SPIB: variants seen among roughly 807,000 people sequenced by gnomAD.
SPIB encodes the protein transcription factor Spi-B.
In SPIB, 7 loss-of-function variants were observed where a neutral mutation model predicts 31.9. The ratio of observed to expected loss-of-function variants is 0.22; its 90% confidence interval spans 0.12 to 0.41. SPIB has a LOEUF of 0.41. SPIB is among the 10% of genes least tolerant of loss of function. The pLI, the probability that SPIB is intolerant of heterozygous loss-of-function variation, is 1.00. For missense variants in SPIB, 327 were observed against 360.2 expected (o/e 0.91, Z 0.75); for synonymous variants, 176 against 158.9 (o/e 1.11, Z -0.81).
In SPIB at chr19:50,419,223, C is replaced by G. The variant is rs533155148; in HGVS notation, c.23+238C>G. 1.1e-4 allele frequency among the ~76,000 whole-genome samples: 16 copies of G among 152,260 alleles called. No homozygotes were observed. In the South Asian group the frequency reaches 1.4e-3, roughly 14 times the overall value. ...AGATCTCATTTCCCCAGAACACTTG[C>G]TAGCGTGCCCTCCTGCGGGCGTCCT... is the stretch of plus-strand genomic sequence containing the variant. On this transcript the variant is annotated intron_variant, in intron 1 of 5. Transcript: ENST00000595883.
intron 5 of SPIB, among the ~76,000 whole-genome samples, chr19:50,424,670 A>G (rs1304216769): frequency 1.3e-5 from 2 of 151,942 alleles, no homozygotes; most frequent in Admixed American, 6.6e-5. Flanking sequence ...AGTCCCAGCT[A>G]CTCGGGAGGC....
chr19:50,424,425 T>A (rs1485471898), intron 5 of SPIB, among the ~76,000 whole-genome samples: 2 of 152,096 alleles, frequency 1.3e-5, no homozygotes, highest in Non-Finnish European at 2.9e-5. Flanking sequence ...GGCGGTCAGA[T>A]CAACTGAGGT....
rs201850398 is a variant in SPIB, at chr19:50,422,435, C to T, written c.52-38C>T. The T allele has an allele frequency of 7.4e-5, 119 of 1,603,848 alleles. 1 individual carries two copies. Among genetic ancestry groups the T allele is most frequent in the Non-Finnish European group, 1.7e-6 (2 of 1,171,272 alleles). On this transcript the variant is annotated intron_variant, in intron 2 of 5. Transcript: ENST00000595883. ...GGTGGGGGTTGGGAGTCCCCAAGGC[C>T]TGGGATGACCCCTCTTCCCTCCTGC...
At chr19:50,419,764 A>AC (rs1441237735) in intron 1 of SPIB, 182 bp from the exon 2 acceptor site, 2 of 501,816 alleles carry the variant, frequency 4.0e-6, no homozygotes, top group African/African-American at 2.0e-5. Context: ...CCTCCCCCCC[A>AC]CCCCCCACTT....
At position 50,428,141 on chromosome 19, in the gene SPIB, C is replaced by T; in HGVS notation, c.594C>T (p.Phe198=). 2 of 1,587,242 alleles carry T rather than the reference C, an allele frequency of 1.3e-6. No homozygotes were observed. The highest frequency in any genetic ancestry group is 1.8e-5 in the Admixed American group (1 of 55,822). ...VWWVEPGAGV[F]QFSSKHKELL... ...GGGTGGAGCCAGGCGCCGGCGTCTT[C>T]CAGTTCTCCTCCAAGCACAAGGAAC... The change falls in exon 6 of 6, where the codon TTC becomes TTT. Residue 198 remains phenylalanine, a synonymous_variant. Coordinates refer to ENST00000595883, the MANE Select transcript of SPIB (RefSeq NM_003121.5). The surrounding 1 kb of genome is among the most constrained non-coding windows in gnomAD (Gnocchi z 6.5).
chr19:50,423,419 G>A (rs1181945652), intron 4 of SPIB, among the ~76,000 whole-genome samples, 186 bp from the exon 5 acceptor site: 1 of 152,134 alleles, frequency 6.6e-6, no homozygotes, highest in Non-Finnish European at 1.5e-5. Context: ...CCTGTGTTGG[G>A]CCGGCTTTGA....
At chr19:50,423,896 C>A in intron 5 of SPIB, 141 bp downstream of exon 5, 2 of 1,034,148 alleles carry the variant, frequency 1.9e-6, no homozygotes, top group Non-Finnish European at 2.8e-6. Context: ...GGCTGTGTGA[C>A]CTTGGGTAAG....
chr19:50,425,606 A>G (rs2039555235), intron 5 of SPIB, among the ~76,000 whole-genome samples: 1 of 151,916 alleles, frequency 6.6e-6, no homozygotes, highest in Non-Finnish European at 1.5e-5. Context: ...ACACCTGACT[A>G]ATTTTTAAAA....
At position 50,423,052 on chromosome 19, in the gene SPIB, G is replaced by A. The variant is rs770607430; in HGVS notation, c.339+15G>A. 7.9e-7 allele frequency: 1 copy of A among 1,272,132 alleles called. No homozygotes were observed. Among genetic ancestry groups the A allele is most frequent in the Admixed American group, 2.3e-5 (1 of 43,482 alleles). 78.8% of individuals were successfully genotyped at this position (1,272,132 alleles called of 1,614,324 possible). The stretch of plus-strand genomic sequence containing the variant: ...TCGCTAGCCAGGTGAGTGGTAAGGG[G>A]ACAGTTAAAATCAAGCCCAAACCAG... On this transcript the variant is annotated intron_variant, in intron 4 of 5. Transcript: ENST00000595883.
At position 50,428,331 on chromosome 19, in the gene SPIB, G is replaced by A; in HGVS notation, c.784G>A (p.Ala262Thr). ...DSALLPAVRR[A>T] ...CGCGCTGCTGCCTGCAGTCCGCCGGGCCTGAGCACACCCGAGGCTCCCACC... is the reference window on the plus strand; with the variant it reads ...CGCGCTGCTGCCTGCAGTCCGCCGGACCTGAGCACACCCGAGGCTCCCACC... The change falls in exon 6 of 6, where the codon GCC (alanine) becomes ACC (threonine). Residue 262 changes from alanine (A) to threonine (T), a missense_variant. Transcript: ENST00000595883. The surrounding 1 kb of genome is among the most constrained non-coding windows in gnomAD (Gnocchi z 6.5). 1 of 1,544,210 alleles carries A rather than the reference G, an allele frequency of 6.5e-7. No individual in the cohort carries two copies. Among genetic ancestry groups the A allele is most frequent in the Non-Finnish European group, 8.7e-7 (1 of 1,143,042 alleles).
At chr19:50,423,838 A>C (rs886254002) in intron 5 of SPIB, 83 bp downstream of exon 5, 5 of 1,479,538 alleles carry the variant, frequency 3.4e-6, no homozygotes, top group Non-Finnish European at 3.7e-6. Flanking sequence ...CTGGGCCTCT[A>C]CATATACTCC....
At chr19:50,419,770 C>CA (rs1257049371) in intron 1 of SPIB, 176 bp from the exon 2 acceptor site, 17 of 530,044 alleles carry the variant, frequency 3.2e-5, no homozygotes, top group Non-Finnish European at 3.2e-6. Context: ...CCCCACCCCC[C>CA]ACTTCCTGTC....
At chr19:50,420,035 C>A (rs994958781) in intron 2 of SPIB, 62 bp downstream of exon 2, 7 of 1,339,004 alleles carry the variant, frequency 5.2e-6, no homozygotes, top group Non-Finnish European at 6.8e-6. Context: ...TCAGAGAAGT[C>A]ATTTGCTTCC....
chr19:50,419,244 G>A (rs779682541), intron 1 of SPIB, among the ~76,000 whole-genome samples: 26 of 152,048 alleles, frequency 1.7e-4, no homozygotes, highest in South Asian at 2.1e-4. Flanking sequence ...TCCTGCGGGC[G>A]TCCTCCGTGG....
chr19:50,423,458 A>G, intron 4 of SPIB, 147 bp from the exon 5 acceptor site: 1 of 1,054,864 alleles, frequency 9.5e-7, no homozygotes, highest in South Asian at 1.6e-5. Context: ...CCCTGGCCAC[A>G]GCGTGGTGAT....
In SPIB at chr19:50,429,232, C is replaced by G. The variant is rs1038875992; in HGVS notation, c.*896C>G. Reference sequence around the variant, plus strand: ...CCACTCCCTATGGCCATGCTGAAGACCACTCTGGCCACGCGACTGATTTTG... The same window carrying G: ...CCACTCCCTATGGCCATGCTGAAGAGCACTCTGGCCACGCGACTGATTTTG... On this transcript the variant is annotated 3_prime_UTR_variant, in exon 6 of 6. Transcript: ENST00000595883. The G allele has an allele frequency of 6.6e-6, 1 of 152,198 alleles. No individual in the cohort carries two copies. The highest frequency in any genetic ancestry group is 2.4e-5 in the African/African-American group (1 of 41,426). 9.4% of individuals were successfully genotyped at this position (152,198 alleles called of 1,614,324 possible). A position where few individuals can be genotyped will look rare whatever the true frequency, so the allele number is the denominator to read the frequency against.
chr19:50,426,893 G>A (rs1438251247), intron 5 of SPIB, among the ~76,000 whole-genome samples: 1 of 151,948 alleles, frequency 6.6e-6, no homozygotes, highest in African/African-American at 2.4e-5. Context: ...ATTTTGGGAG[G>A]CCGAGGTGGG....
rs772520030 is a variant in SPIB at position 50,423,733 on chromosome 19, C to T, written c.468C>T (p.Pro156=). ...CGGATGAGGCCCTCGTGGCTGGCCCCGAGGGGAAGGGATCCGAGGCAGGTA... is the reference window on the plus strand; with the variant it reads ...CGGATGAGGCCCTCGTGGCTGGCCCTGAGGGGAAGGGATCCGAGGCAGGTA... The part of the protein sequence containing the change: ...SESDEALVAG[P]EGKGSEAGTR... Residue 156 remains proline (P), a synonymous_variant, in exon 5 of 6, where the codon CCC becomes CCT. Coordinates refer to ENST00000595883, the MANE Select transcript of SPIB (RefSeq NM_003121.5). The T allele has an allele frequency of 1.1e-5, 17 of 1,610,808 alleles. No homozygotes were observed. The highest frequency in any genetic ancestry group is 1.0e-4 in the Admixed American group (6 of 59,468).
chr19:50,420,135 T>C (rs368752150), intron 2 of SPIB, among the ~76,000 whole-genome samples, 162 bp downstream of exon 2: 5 of 152,250 alleles, frequency 3.3e-5, no homozygotes, highest in Non-Finnish European at 5.9e-5. Flanking sequence ...GTATTTTTGA[T>C]GTCTCTCTCC....
Sources: allele counts gnomAD v4.1 joint callset (sites outside exome capture counted in the v4.1 genomes callset), GRCh38; gene constraint gnomAD v4.1.1; non-coding constraint Gnocchi (gnomAD v3.1); transcripts MANE v1.5; gene names NCBI Gene and HGNC (gene_info 2026-07-23, HGNC 2026-07-21).